Variants in TSG101 observed in about 807,000 individuals in gnomAD.
The protein encoded by TSG101 is tumor susceptibility gene 101 protein.
A neutral mutation model predicts 48.5 loss-of-function variants in TSG101; 19 were observed. That is an observed-to-expected ratio of 0.39 (90% CI 0.27 to 0.58). The LOEUF (loss-of-function observed/expected upper bound fraction) is 0.58, where lower values mean the gene tolerates loss of function less well. TSG101 is among the 20% of genes least tolerant of loss of function. The pLI is 0.55. For missense variants in TSG101, 365 were observed against 484.4 expected (o/e 0.75, Z 2.31); for synonymous variants, 174 against 169.4 (o/e 1.03, Z -0.21).
At chr11:18,499,361 T>A (rs1312420430) in intron 7 of TSG101, among the ~76,000 whole-genome samples, 1 of 101,204 alleles carries the variant, frequency 9.9e-6, no homozygotes, top group African/African-American at 3.7e-5. Context: ...TATGTTTATA[T>A]ATAAATATGT....
At chr11:18,489,959 C>T (rs1207237534) in intron 7 of TSG101, among the ~76,000 whole-genome samples, 1 of 152,114 alleles carries the variant, frequency 6.6e-6, no homozygotes, top group Admixed American at 6.6e-5. Context: ...TGCTAAATTA[C>T]AAAACCCCAT....
chr11:18,491,074 C>T, intron 7 of TSG101: 1 of 174,012 alleles, frequency 5.7e-6, no homozygotes, highest in Non-Finnish European at 1.2e-5. Flanking sequence ...GCCGTGGCTG[C>T]AGCGACGGTA....
chr11:18,517,354 ACAT>A (rs762153923), intron 2 of TSG101, among the ~76,000 whole-genome samples: 2 of 152,162 alleles, frequency 1.3e-5, no homozygotes, highest in Non-Finnish European at 2.9e-5. Flanking sequence ...CATACCACAC[ACAT>A]TTTTCTATCT....
At chr11:18,503,223 TAACATTA>T (rs1329636415) in intron 6 of TSG101, among the ~76,000 whole-genome samples, 1 of 152,176 alleles carries the variant, frequency 6.6e-6, no homozygotes, top group Non-Finnish European at 1.5e-5. Context: ...TTTCTCTATT[TAACATTA>T]AACATCATTT....
intron 7 of TSG101, chr11:18,490,357 C>A (rs1849680686): frequency 3.3e-6 from 2 of 604,494 alleles, no homozygotes; most frequent in African/African-American, 3.7e-5. Context: ...TTCAGTGTAT[C>A]CAATTCAGTA....
chr11:18,510,421 AAAAC>A (rs905307441), intron 4 of TSG101, among the ~76,000 whole-genome samples: 14 of 152,334 alleles, frequency 9.2e-5, no homozygotes, highest in Admixed American at 3.3e-4. Flanking sequence ...ACTCTGTCTC[AAAAC>A]AAACAAACAA....
At chr11:18,487,261 A>AT (rs1240929914) in intron 7 of TSG101, among the ~76,000 whole-genome samples, 5 of 135,472 alleles carry the variant, frequency 3.7e-5, no homozygotes, top group African/African-American at 1.0e-4. Flanking sequence ...TTAAAGTATA[A>AT]TAAAAAAAAA....
At chr11:18,494,434 T>C (rs1849745353) in intron 7 of TSG101, among the ~76,000 whole-genome samples, 1 of 152,240 alleles carries the variant, frequency 6.6e-6, no homozygotes, top group Non-Finnish European at 1.5e-5. Context: ...AATCAGCTTC[T>C]CCTACCTTTC....
chr11:18,496,221 T>A (rs1191423258), intron 7 of TSG101, among the ~76,000 whole-genome samples: 1 of 151,988 alleles, frequency 6.6e-6, no homozygotes, highest in Non-Finnish European at 1.5e-5. Flanking sequence ...CCCAGCACTT[T>A]GGGAGGCCGA....
intron 5 of TSG101, chr11:18,508,365 T>G (rs1336557537): frequency 6.6e-6 from 1 of 151,738 alleles, no homozygotes; most frequent in Non-Finnish European, 1.5e-5. Flanking sequence ...CTGGCTAATT[T>G]TGTATTTTTA....
chr11:18,517,813 T>A (rs556580737), intron 2 of TSG101, among the ~76,000 whole-genome samples: 4 of 152,354 alleles, frequency 2.6e-5, no homozygotes, highest in African/African-American at 9.6e-5. Context: ...AATGCACGAC[T>A]GTACATTCTT....
In TSG101 at chr11:18,506,387, CT is replaced by C. The variant is rs560413024; in HGVS notation, c.548+469del. Among the ~76,000 whole-genome samples, 49 of 94,178 alleles carry C rather than the reference CT, an allele frequency of 5.2e-4. 1 individual carries two copies. In the South Asian group the frequency reaches 0.012, roughly 22 times the overall value. 61.8% of individuals were successfully genotyped at this position (94,178 alleles called of 152,430 possible). ...GAAAAATATTTTATAATACTCTCTT[CT>C]TTTAAAAAAAAAAAAATACATAGGC... On this transcript the variant is annotated intron_variant, in intron 6 of 9. Coordinates refer to ENST00000251968, the MANE Select transcript of TSG101 (RefSeq NM_006292.4).
At position 18,521,669 on chromosome 11, in the gene TSG101, C is replaced by CTT. The variant is rs1565096217; in HGVS notation, c.43-2067_43-2066insAA. Among the ~76,000 whole-genome samples, 14 of 111,436 alleles carry CTT rather than the reference C, an allele frequency of 1.3e-4. 1 individual carries two copies. Among genetic ancestry groups the CTT allele is most frequent in the African/African-American group, 2.0e-4 (6 of 30,154 alleles). 73.1% of individuals were successfully genotyped at this position (111,436 alleles called of 152,430 possible). A position where few individuals can be genotyped will look rare whatever the true frequency, so the allele number is the denominator to read the frequency against. On this transcript the variant is annotated intron_variant, in intron 1 of 9. Coordinates refer to ENST00000251968, the MANE Select transcript of TSG101 (RefSeq NM_006292.4). ...TATGAACCACTGCACCTGGCCCCTT[C>CTT]CTTTTTTTTTTTTTTTTTTTTTTTT...
chr11:18,517,186 T>G (rs76331117), intron 2 of TSG101, among the ~76,000 whole-genome samples: 1 of 141,584 alleles, frequency 7.1e-6, no homozygotes, highest in Non-Finnish European at 1.6e-5. Flanking sequence ...CATGCCCAGC[T>G]TTTTTTTTTT....
intron 2 of TSG101, among the ~76,000 whole-genome samples, chr11:18,519,176 G>A (rs1243291140): frequency 3.3e-5 from 5 of 151,750 alleles, no homozygotes; most frequent in African/African-American, 1.2e-4. Context: ...CCAACTTTAA[G>A]TATTTTTTTG....
intron 7 of TSG101, among the ~76,000 whole-genome samples, chr11:18,500,266 T>A (rs1197479393): frequency 3.9e-5 from 6 of 152,256 alleles, no homozygotes; most frequent in African/African-American, 1.2e-4. Flanking sequence ...TTAGCTAGTA[T>A]GAATACTGTT....
chr11:18,481,356 T>TCCA (rs1849536459), intron 9 of TSG101: 2 of 1,164,858 alleles, frequency 1.7e-6, no homozygotes, highest in Middle Eastern at 3.6e-4. Context: ...TACCTCCTGA[T>TCCA]CCACCCAGGC....
At chr11:18,507,006 G>A in intron 5 of TSG101, 83 bp from the exon 6 acceptor site, 1 of 1,059,134 alleles carries the variant, frequency 9.4e-7, no homozygotes, top group African/African-American at 1.6e-5. Flanking sequence ...ACATCACACT[G>A]TCAATACACA....
At chr11:18,501,259 TAA>T (rs1849882215) in intron 7 of TSG101, among the ~76,000 whole-genome samples, 1 of 152,224 alleles carries the variant, frequency 6.6e-6, no homozygotes, top group Non-Finnish European at 1.5e-5. Flanking sequence ...GGTCTTACAT[TAA>T]GTCTTTAATC....
Sources: allele counts gnomAD v4.1 joint callset (sites outside exome capture counted in the v4.1 genomes callset), GRCh38; gene constraint gnomAD v4.1.1; transcripts MANE v1.5; gene names NCBI Gene and HGNC (gene_info 2026-07-23, HGNC 2026-07-21).